Variants in ZNF804B observed in about 807,000 individuals in gnomAD.
ZNF804B encodes the protein zinc finger 804B.
In ZNF804B, 80 loss-of-function variants were observed where a neutral mutation model predicts 101.4. The observed-to-expected ratio is 0.79, with a 90% CI of 0.66 to 0.95. The LOEUF (loss-of-function observed/expected upper bound fraction) is 0.95, where lower values mean the gene tolerates loss of function less well. Ranked by LOEUF, ZNF804B falls within the 40% of genes least tolerant of loss-of-function variation. The pLI is 0.00. For synonymous variants in ZNF804B, 622 were observed against 558.8 expected (o/e 1.11, Z -1.59); for missense variants, 1,673 against 1,561.9 (o/e 1.07, Z -1.20).
intron 1 of ZNF804B, among the ~76,000 whole-genome samples, chr7:88,869,215 T>G (rs1163481414): frequency 6.6e-6 from 1 of 152,234 alleles, no homozygotes; most frequent in Non-Finnish European, 1.5e-5. Flanking sequence ...AGCATAATTC[T>G]TTTGAGAATA....
rs1054586572 is a variant in ZNF804B, at chr7:89,302,023, C to G, written c.250-25321C>G. 4.0e-5 allele frequency among the ~76,000 whole-genome samples: 6 copies of G among 151,804 alleles called. No homozygotes were observed. The East Asian group carries it at 1.2e-3, about 29-fold the overall frequency. ...AACCCATGGCATCAGCTTGAACTAT[C>G]AACTTGAATGTGATGTTATATATTC... On this transcript the variant is annotated intron_variant, in intron 2 of 3. Transcript: ENST00000333190.
At chr7:88,988,463 A>T in intron 1 of ZNF804B, among the ~76,000 whole-genome samples, 1 of 152,140 alleles carries the variant, frequency 6.6e-6, no homozygotes, top group South Asian at 2.1e-4. Context: ...AAAGGGCATC[A>T]TGCATTCACT....
intron 1 of ZNF804B, among the ~76,000 whole-genome samples, chr7:89,021,070 G>A (rs1788659354): frequency 6.6e-6 from 1 of 152,002 alleles, no homozygotes; most frequent in Non-Finnish European, 1.5e-5. Context: ...CTATACATGT[G>A]GTAGAATAGT....
At chr7:88,964,500 T>C (rs1381982477) in intron 1 of ZNF804B, among the ~76,000 whole-genome samples, 1 of 151,404 alleles carries the variant, frequency 6.6e-6, no homozygotes, top group Admixed American at 6.6e-5. Flanking sequence ...GAAAGTAGGA[T>C]AGTGGTTTAC....
chr7:89,219,858 ATATG>A (rs1218735936), intron 2 of ZNF804B, among the ~76,000 whole-genome samples: 3 of 134,810 alleles, frequency 2.2e-5, no homozygotes, highest in Non-Finnish European at 4.7e-5. Context: ...ATATATGTAT[ATATG>A]TGTGTATATG....
intron 2 of ZNF804B, among the ~76,000 whole-genome samples, chr7:89,230,078 A>T (rs1789166184): frequency 6.6e-6 from 1 of 152,146 alleles, no homozygotes; most frequent in Non-Finnish European, 1.5e-5. Flanking sequence ...TATTGAAAAA[A>T]GAAATATCAA....
chr7:88,946,554 CT>C (rs202172425), intron 1 of ZNF804B, among the ~76,000 whole-genome samples: 96,684 of 128,118 alleles, frequency 0.75, 35,381 homozygotes, highest in African/African-American at 0.83. Flanking sequence ...CTGAAATTTT[CT>C]TTTTTTTTTT....
intron 1 of ZNF804B, among the ~76,000 whole-genome samples, chr7:88,974,415 C>T (rs1295799388): frequency 6.6e-6 from 1 of 151,082 alleles, no homozygotes; most frequent in East Asian, 2.0e-4. Flanking sequence ...TGAGGTAAAG[C>T]ATGTATCAGT....
chr7:88,822,689 C>A (rs1791000555), intron 1 of ZNF804B, among the ~76,000 whole-genome samples: 1 of 152,142 alleles, frequency 6.6e-6, no homozygotes, highest in Admixed American at 6.5e-5. Flanking sequence ...GCACCACAAT[C>A]TTGTAGTGGC....
intron 1 of ZNF804B, among the ~76,000 whole-genome samples, chr7:89,146,965 G>A (rs11973749): frequency 6.6e-6 from 1 of 151,074 alleles, no homozygotes; most frequent in Non-Finnish European, 1.5e-5. Context: ...GGGAAGTGCG[G>A]GTTGCATGAG....
chr7:89,060,763 G>A (rs970540212), intron 1 of ZNF804B, among the ~76,000 whole-genome samples: 3 of 152,106 alleles, frequency 2.0e-5, no homozygotes, highest in Non-Finnish European at 4.4e-5. Context: ...TTGCGAAATT[G>A]ACTCCACAAA....
intron 2 of ZNF804B, among the ~76,000 whole-genome samples, chr7:89,226,400 A>G (rs1789089343): frequency 1.3e-5 from 2 of 152,270 alleles, no homozygotes; most frequent in East Asian, 1.9e-4. Flanking sequence ...CTGGAATAAT[A>G]TGCTAGAATT....
intron 2 of ZNF804B, among the ~76,000 whole-genome samples, chr7:89,275,659 C>T (rs1021613672): frequency 6.6e-6 from 1 of 151,796 alleles, no homozygotes; most frequent in African/African-American, 2.4e-5. Flanking sequence ...TCTTTTATAC[C>T]TATTAAATTT....
chr7:88,942,957 C>T (rs1006879221), intron 1 of ZNF804B, among the ~76,000 whole-genome samples: 1 of 151,794 alleles, frequency 6.6e-6, no homozygotes, highest in Admixed American at 6.6e-5. Flanking sequence ...TTATTAATGG[C>T]ATTCTTTCCC....
At chr7:89,211,930 T>C (rs1788811212) in intron 1 of ZNF804B, among the ~76,000 whole-genome samples, 1 of 152,200 alleles carries the variant, frequency 6.6e-6, no homozygotes, top group African/African-American at 2.4e-5. Flanking sequence ...TAAATTACTT[T>C]GAGCAGTATG....
intron 1 of ZNF804B, among the ~76,000 whole-genome samples, chr7:89,150,769 C>T (rs757269232): frequency 1.2e-4 from 18 of 151,966 alleles, no homozygotes; most frequent in Non-Finnish European, 2.1e-4. Flanking sequence ...GAGTGAGAGA[C>T]GCTGGAGGGG....
chr7:89,180,024 A>C (rs1175871412), intron 1 of ZNF804B, among the ~76,000 whole-genome samples: 1 of 151,976 alleles, frequency 6.6e-6, no homozygotes, highest in Non-Finnish European at 1.5e-5. Flanking sequence ...TCTCCATGCT[A>C]TCCTGCCTGG....
intron 1 of ZNF804B, among the ~76,000 whole-genome samples, chr7:89,122,720 A>G (rs1167138611): frequency 2.0e-5 from 3 of 152,080 alleles, no homozygotes; most frequent in East Asian, 1.9e-4. Context: ...TCCTCAGAGG[A>G]CACACCCCAT....
chr7:89,233,813 T>G (rs1434967424), intron 2 of ZNF804B, among the ~76,000 whole-genome samples: 2 of 152,090 alleles, frequency 1.3e-5, no homozygotes, highest in Non-Finnish European at 2.9e-5. Context: ...TAATTTTGTA[T>G]TTTTAGTAGA....
Sources: allele counts gnomAD v4.1 joint callset (sites outside exome capture counted in the v4.1 genomes callset), GRCh38; gene constraint gnomAD v4.1.1; transcripts MANE v1.5; gene names NCBI Gene and HGNC (gene_info 2026-07-23, HGNC 2026-07-21).